The following SAMD8 variants were observed in gnomAD, a reference collection of about 807,000 sequenced individuals.
SAMD8 encodes the protein sphingomyelin synthase-related protein 1.
A neutral mutation model predicts 42.0 loss-of-function variants in SAMD8; 20 were observed. The observed-to-expected ratio is 0.48, with a 90% CI of 0.34 to 0.69. The LOEUF (loss-of-function observed/expected upper bound fraction) is 0.69, where lower values mean the gene tolerates loss of function less well. Ranked by LOEUF, SAMD8 falls within the 30% of genes least tolerant of loss-of-function variation. SAMD8 has a pLI of 0.01. For missense variants in SAMD8, 328 were observed against 511.6 expected (o/e 0.64, Z 3.46); for synonymous variants, 162 against 173.0 (o/e 0.94, Z 0.50).
intron 1 of SAMD8, among the ~76,000 whole-genome samples, chr10:75,102,679 G>T (rs530009350): frequency 2.6e-5 from 4 of 152,176 alleles, no homozygotes; most frequent in Admixed American, 6.5e-5. Context: ...TGGGCTGGTC[G>T]CGGTGGCTCA....
chr10:75,134,273 A>G (rs907966028), intron 1 of SAMD8, among the ~76,000 whole-genome samples: 1 of 152,148 alleles, frequency 6.6e-6, no homozygotes, highest in African/African-American at 2.4e-5. Flanking sequence ...AGGTGCAGCA[A>G]ACCACCATGG....
chr10:75,129,705 C>T (rs376811270), intron 1 of SAMD8, among the ~76,000 whole-genome samples: 3 of 152,198 alleles, frequency 2.0e-5, no homozygotes, highest in East Asian at 1.9e-4. Context: ...TTAAGAAACA[C>T]CCCAAAGCCA....
intron 4 of SAMD8, among the ~76,000 whole-genome samples, chr10:75,170,794 G>A (rs1377121112): frequency 3.9e-5 from 5 of 128,264 alleles, no homozygotes; most frequent in Admixed American, 8.1e-5. Context: ...TTTTTTTTGA[G>A]GTGGAGTCTT....
At chr10:75,144,559 G>A (rs1840092184) in intron 1 of SAMD8, among the ~76,000 whole-genome samples, 1 of 152,164 alleles carries the variant, frequency 6.6e-6, no homozygotes, top group Admixed American at 6.6e-5. Context: ...CATCCATGTT[G>A]TAGCATGCGT....
At chr10:75,118,167 T>A (rs77357178) in intron 1 of SAMD8, among the ~76,000 whole-genome samples, 4,245 of 152,262 alleles carry the variant, frequency 0.028, 87 homozygotes, top group Non-Finnish European at 0.042. Context: ...AGGAGGGAAT[T>A]TAATTCTTTT....
At chr10:75,146,840 C>T (rs1390153773) in intron 1 of SAMD8, among the ~76,000 whole-genome samples, 1 of 152,144 alleles carries the variant, frequency 6.6e-6, no homozygotes, top group Non-Finnish European at 1.5e-5. Context: ...ATTAAATTGG[C>T]CCTAAAGCTT....
intron 4 of SAMD8, among the ~76,000 whole-genome samples, chr10:75,172,357 A>T (rs1365941240): frequency 6.6e-6 from 1 of 151,964 alleles, no homozygotes; most frequent in African/African-American, 2.4e-5. Context: ...TTTAAGACAG[A>T]TTCTCGCTTT....
intron 1 of SAMD8, among the ~76,000 whole-genome samples, chr10:75,127,857 T>C (rs1216219034): frequency 2.0e-5 from 3 of 152,240 alleles, no homozygotes; most frequent in African/African-American, 4.8e-5. Flanking sequence ...CATGTACTTT[T>C]GTTCACTGTA....
At chr10:75,129,138 A>AC (rs778907451) in intron 1 of SAMD8, among the ~76,000 whole-genome samples, 3 of 146,064 alleles carry the variant, frequency 2.1e-5, no homozygotes, top group African/African-American at 7.5e-5. Context: ...TCTTCTTCTT[A>AC]TTTTTTTTTT....
chr10:75,168,513 T>C (rs749335964), intron 3 of SAMD8, 28 bp from the exon 4 acceptor site: 1 of 1,606,754 alleles, frequency 6.2e-7, no homozygotes, highest in South Asian at 1.1e-5. Flanking sequence ...CTTCTGATCT[T>C]TCCCCCTTTT....
At chr10:75,160,253 G>A (rs1357777230) in intron 2 of SAMD8, among the ~76,000 whole-genome samples, 6 of 151,974 alleles carry the variant, frequency 3.9e-5, no homozygotes, top group African/African-American at 1.4e-4. Flanking sequence ...CTGGAGTGCA[G>A]TGGCGCGATC....
intron 1 of SAMD8, among the ~76,000 whole-genome samples, chr10:75,143,269 G>T (rs921580371): frequency 1.3e-5 from 2 of 152,222 alleles, no homozygotes; most frequent in Non-Finnish European, 2.9e-5. Context: ...TCATGCCACT[G>T]CACTCCAGGC....
At chr10:75,112,534 G>A (rs1797353322) in intron 1 of SAMD8, among the ~76,000 whole-genome samples, 1 of 152,154 alleles carries the variant, frequency 6.6e-6, no homozygotes, top group Non-Finnish European at 1.5e-5. Context: ...CTAAAGGACT[G>A]GGGGAAGTAG....
At position 75,182,048 on chromosome 10, in the gene SAMD8, CT is replaced by C. The variant is rs1288115048; in HGVS notation, c.*5357del. The stretch of plus-strand genomic sequence containing the variant: ...GATTCTAAATTAAATCCAGATTTAA[CT>C]AATATATATTATTTTATATCTTTGT... On this transcript the variant is annotated 3_prime_UTR_variant, in exon 6 of 6. Coordinates refer to ENST00000542569, the MANE Select transcript of SAMD8 (RefSeq NM_001174156.2). 15 of 152,156 alleles carry C rather than the reference CT, an allele frequency of 9.9e-5. No homozygotes were observed. In the East Asian group the frequency reaches 2.7e-3, roughly 27 times the overall value. The allele number at this position is 152,156 out of a possible 1,614,324, so 9.4% of individuals were successfully genotyped here.
chr10:75,150,480 G>A (rs1840261740), intron 1 of SAMD8, 34 bp from the exon 2 acceptor site: 36 of 1,558,974 alleles, frequency 2.3e-5, no homozygotes, highest in Non-Finnish European at 3.1e-5. Flanking sequence ...ACATACTGAA[G>A]CTTTTGTTTT....
At chr10:75,106,860 T>A (rs1165778012), upstream of SAMD8, among the ~76,000 whole-genome samples, 1 of 152,214 alleles carries the variant, frequency 6.6e-6, no homozygotes, top group Non-Finnish European at 1.5e-5. Context: ...TGAGCTGTAA[T>A]CTTGTCATTC....
chr10:75,112,418 A>G (rs115928773), intron 1 of SAMD8, among the ~76,000 whole-genome samples: 184 of 152,322 alleles, frequency 1.2e-3, no homozygotes, highest in African/African-American at 4.1e-3. Flanking sequence ...TAAAACATCA[A>G]AGATCACTAG....
At chr10:75,123,432 T>C (rs1295673892) in intron 1 of SAMD8, among the ~76,000 whole-genome samples, 1 of 152,154 alleles carries the variant, frequency 6.6e-6, no homozygotes, top group Admixed American at 6.5e-5. Flanking sequence ...GGGGAGAGAC[T>C]TGTTACTGCT....
intron 3 of SAMD8, among the ~76,000 whole-genome samples, chr10:75,166,338 A>G (rs1487700836): frequency 2.6e-5 from 4 of 152,034 alleles, no homozygotes; most frequent in African/African-American, 9.7e-5. Context: ...TAGATATTGC[A>G]TAAGAGCTCC....
Sources: gnomAD v4.1 joint callset for allele counts (sites outside exome capture counted in the v4.1 genomes callset) on GRCh38, gnomAD v4.1.1 for gene constraint, MANE v1.5 for transcripts, NCBI Gene and HGNC (gene_info 2026-07-23, HGNC 2026-07-21) for gene names.